Variants in PDE1A observed in about 807,000 individuals in gnomAD.
PDE1A encodes dual specificity calcium/calmodulin-dependent 3',5'-cyclic nucleotide phosphodiesterase 1A.
In PDE1A, 35 loss-of-function variants were observed where a neutral mutation model predicts 61.7. The observed-to-expected ratio is 0.57, with a 90% CI of 0.43 to 0.75. PDE1A has a LOEUF of 0.75. Among genes scored for constraint, PDE1A ranks in the 30% least tolerant of loss-of-function variants. The pLI is 0.00. For missense variants in PDE1A, 597 were observed against 630.6 expected (o/e 0.95, Z 0.57); for synonymous variants, 232 against 213.2 (o/e 1.09, Z -0.77).
chr2:182,314,368 C>CA (rs755337247), intron 1 of PDE1A: 1 of 152,092 alleles, frequency 6.6e-6, no homozygotes, highest in Non-Finnish European at 1.5e-5. Flanking sequence ...CTGGGATGCA[C>CA]TATGCCAATA....
At chr2:182,199,222 T>C (rs943492527) in intron 10 of PDE1A, among the ~76,000 whole-genome samples, 4 of 151,962 alleles carry the variant, frequency 2.6e-5, no homozygotes, top group African/African-American at 9.6e-5. Flanking sequence ...TTCCTCTTTT[T>C]GATCCTGCAA....
chr2:182,431,861 T>C (rs114374979), upstream of PDE1A, among the ~76,000 whole-genome samples: 229 of 151,974 alleles, frequency 1.5e-3, no homozygotes, highest in African/African-American at 5.2e-3. Context: ...CTCCAGAGAG[T>C]TTCTATTCTT....
chr2:182,665,653 C>T, the PDE1A span, among the ~76,000 whole-genome samples: 11 of 152,072 alleles, frequency 7.2e-5, no homozygotes, highest in East Asian at 7.7e-4. Context: ...TGTAAGACAG[C>T]GTGACGATTC....
chr2:182,469,697 T>G (rs1686903058), intron 2 of PDE1A, among the ~76,000 whole-genome samples: 1 of 151,982 alleles, frequency 6.6e-6, no homozygotes, highest in African/African-American at 2.4e-5. Context: ...GCTTTCACTG[T>G]GCCTTCTTCA....
chr2:182,602,802 G>T, the PDE1A span, among the ~76,000 whole-genome samples: 1 of 152,098 alleles, frequency 6.6e-6, no homozygotes. Flanking sequence ...TAGACAAAGA[G>T]AATAAAACAA....
At chr2:182,326,127 T>A (rs2124893201) in intron 1 of PDE1A, among the ~76,000 whole-genome samples, 1 of 152,104 alleles carries the variant, frequency 6.6e-6, no homozygotes, top group East Asian at 1.9e-4. Context: ...ATATATTTTT[T>A]AAAAAGAACA....
intron 2 of PDE1A, among the ~76,000 whole-genome samples, chr2:182,478,855 T>C (rs558356801): frequency 1.3e-5 from 2 of 152,016 alleles, no homozygotes; most frequent in South Asian, 4.2e-4. Flanking sequence ...GTTATAAATC[T>C]AGCTTATGAC....
the PDE1A span, among the ~76,000 whole-genome samples, chr2:182,541,663 T>TA: frequency 2.0e-5 from 3 of 152,326 alleles, no homozygotes; most frequent in East Asian, 5.8e-4. Context: ...ATAAGGTTTA[T>TA]AAAAACCTAT....
intron 4 of PDE1A, among the ~76,000 whole-genome samples, chr2:182,232,130 A>G (rs1221094293): frequency 6.6e-6 from 1 of 152,134 alleles, no homozygotes; most frequent in Admixed American, 6.6e-5. Flanking sequence ...TAATACTCGC[A>G]TTTCATGCAG....
chr2:182,228,229 G>A (rs1432521), intron 6 of PDE1A, among the ~76,000 whole-genome samples: 100,099 of 151,900 alleles, frequency 0.66, 33,084 homozygotes, highest in South Asian at 0.76. Flanking sequence ...AACTCTCCTC[G>A]GCATTGTCTA....
chr2:182,545,101 T>C, the PDE1A span, among the ~76,000 whole-genome samples: 4 of 152,314 alleles, frequency 2.6e-5, 1 homozygote, highest in Admixed American at 2.6e-4. Flanking sequence ...TTCATAGCCA[T>C]TGTATTCACT....
At chr2:182,623,837 G>C in the PDE1A span, among the ~76,000 whole-genome samples, 1 of 152,060 alleles carries the variant, frequency 6.6e-6, no homozygotes, top group Non-Finnish European at 1.5e-5. Context: ...CTTTAGATAA[G>C]AAGACAGGCC....
chr2:182,558,848 G>T, the PDE1A span, among the ~76,000 whole-genome samples: 1 of 152,290 alleles, frequency 6.6e-6, no homozygotes, highest in East Asian at 1.9e-4. Context: ...GTTTGGGAAA[G>T]AAATGTCTGC....
the PDE1A span, among the ~76,000 whole-genome samples, chr2:182,684,495 G>A: frequency 9.4e-4 from 143 of 152,186 alleles, no homozygotes; most frequent in African/African-American, 3.2e-3. Flanking sequence ...AAGTAATCAC[G>A]TCAAGAACAG....
intron 1 of PDE1A, among the ~76,000 whole-genome samples, chr2:182,312,100 C>T (rs1696018460): frequency 6.6e-6 from 1 of 151,952 alleles, no homozygotes; most frequent in Non-Finnish European, 1.5e-5. Context: ...ATGGAAGTGT[C>T]TTTTAAATTT....
the PDE1A span, among the ~76,000 whole-genome samples, chr2:182,658,066 A>C: frequency 6.0e-4 from 64 of 106,366 alleles, 1 homozygote; most frequent in East Asian, 1.9e-3. Flanking sequence ...AAAAAAAAAA[A>C]AAAAAACAAA....
At chr2:182,509,416 G>C (rs1009242187) in intron 2 of PDE1A, among the ~76,000 whole-genome samples, 2 of 152,148 alleles carry the variant, frequency 1.3e-5, no homozygotes, top group African/African-American at 4.8e-5. Context: ...ACAGATGGCA[G>C]GACTGTGGAA....
At chr2:182,546,479 C>T in the PDE1A span, among the ~76,000 whole-genome samples, 1 of 152,034 alleles carries the variant, frequency 6.6e-6, no homozygotes, top group Admixed American at 6.6e-5. Context: ...CATCAAAAGG[C>T]CCCTATAAGG....
chr2:182,194,881 TCACACA>T (rs55809632), intron 10 of PDE1A, among the ~76,000 whole-genome samples: 4,753 of 144,774 alleles, frequency 0.033, 212 homozygotes, highest in African/African-American at 0.1. Context: ...TCTGAAATAT[TCACACA>T]CACACACACA....
Sources: gnomAD v4.1 joint callset for allele counts (sites outside exome capture counted in the v4.1 genomes callset) on GRCh38, gnomAD v4.1.1 for gene constraint, MANE v1.5 for transcripts, NCBI Gene and HGNC (gene_info 2026-07-23, HGNC 2026-07-21) for gene names.